The following FILIP1L variants were observed in gnomAD, a reference collection of about 807,000 sequenced individuals.
FILIP1L encodes the protein filamin A-interacting protein 1-like.
Under a neutral mutation model 96.6 loss-of-function variants are expected in FILIP1L, and 55 were observed. The observed-to-expected ratio is 0.57, with a 90% CI of 0.46 to 0.71. FILIP1L has a LOEUF of 0.71. FILIP1L is among the 30% of genes least tolerant of loss of function. The pLI, the probability that FILIP1L is intolerant of heterozygous loss-of-function variation, is 0.00. For synonymous variants in FILIP1L, 467 were observed against 473.9 expected (o/e 0.99, Z 0.19); for missense variants, 1,304 against 1,321.2 (o/e 0.99, Z 0.20).
intron 4 of FILIP1L, chr3:99,876,340 T>C (rs1705520324): frequency 4.6e-6 from 2 of 438,172 alleles, no homozygotes; most frequent in South Asian, 1.9e-4. Flanking sequence ...GTTCCGGCCG[T>C]GTGAACGGAC....
At chr3:100,008,878 T>C (rs1710064596) in intron 1 of FILIP1L, among the ~76,000 whole-genome samples, 1 of 152,184 alleles carries the variant, frequency 6.6e-6, no homozygotes, top group African/African-American at 2.4e-5. Context: ...TGGGCATGGG[T>C]GGGATTAATT....
intron 1 of FILIP1L, among the ~76,000 whole-genome samples, chr3:100,097,127 C>A (rs1333563113): frequency 1.3e-5 from 2 of 152,168 alleles, no homozygotes; most frequent in African/African-American, 4.8e-5. Flanking sequence ...CATAGGAGCA[C>A]AAACCCTATT....
chr3:99,991,652 T>C (rs1709513104), intron 1 of FILIP1L, among the ~76,000 whole-genome samples: 1 of 152,038 alleles, frequency 6.6e-6, no homozygotes, highest in East Asian at 1.9e-4. Context: ...CTACTCTGTA[T>C]GTCCATGTAT....
At chr3:99,996,345 G>C (rs1559718920) in intron 1 of FILIP1L, among the ~76,000 whole-genome samples, 1 of 152,100 alleles carries the variant, frequency 6.6e-6, no homozygotes, top group Non-Finnish European at 1.5e-5. Context: ...CCTCAGCCTG[G>C]ACCTTATTGT....
chr3:100,041,774 T>C (rs1009043230), intron 1 of FILIP1L, among the ~76,000 whole-genome samples: 7 of 152,192 alleles, frequency 4.6e-5, no homozygotes, highest in African/African-American at 1.4e-4. Context: ...CAGAGATCTT[T>C]TAAACAGTAA....
intron 1 of FILIP1L, among the ~76,000 whole-genome samples, chr3:99,975,528 G>A (rs1216778609): frequency 2.6e-5 from 4 of 151,774 alleles, no homozygotes; most frequent in South Asian, 4.1e-4. Flanking sequence ...GGAGGCAGAC[G>A]TTGCAGTGAG....
At chr3:100,097,574 C>CTA (rs1358000082) in intron 1 of FILIP1L, among the ~76,000 whole-genome samples, 10 of 152,084 alleles carry the variant, frequency 6.6e-5, no homozygotes, top group Admixed American at 4.6e-4. Flanking sequence ...GTATACAAGC[C>CTA]TATATATATA....
At chr3:99,838,302 G>T (rs1488303292) in intron 5 of FILIP1L, among the ~76,000 whole-genome samples, 1 of 152,120 alleles carries the variant, frequency 6.6e-6, no homozygotes, top group Non-Finnish European at 1.5e-5. Flanking sequence ...ATTATCTCTT[G>T]TCACCCTAAC....
chr3:99,989,441 T>G (rs1186152431), intron 1 of FILIP1L, among the ~76,000 whole-genome samples: 1 of 152,182 alleles, frequency 6.6e-6, no homozygotes, highest in Admixed American at 6.5e-5. Context: ...CCCCACATTT[T>G]CTGGAGACCC....
chr3:99,876,160 CG>C, intron 4 of FILIP1L: 1 of 985,678 alleles, frequency 1.0e-6, no homozygotes, highest in Non-Finnish European at 1.2e-6. Context: ...CTCCGAGAGT[CG>C]CCCGAACAAT....
intron 1 of FILIP1L, among the ~76,000 whole-genome samples, chr3:100,049,422 G>T (rs986638835): frequency 6.6e-6 from 1 of 152,114 alleles, no homozygotes; most frequent in African/African-American, 2.4e-5. Flanking sequence ...TTATAAGGGA[G>T]GTTAATATGG....
intron 1 of FILIP1L, among the ~76,000 whole-genome samples, chr3:99,994,191 G>T (rs936584073): frequency 1.3e-5 from 2 of 152,008 alleles, no homozygotes; most frequent in South Asian, 2.1e-4. Context: ...TTTCTTCCTG[G>T]CTCAGTCTCA....
chr3:100,080,468 C>A (rs1256197775), intron 1 of FILIP1L, among the ~76,000 whole-genome samples: 1 of 152,158 alleles, frequency 6.6e-6, no homozygotes, highest in Non-Finnish European at 1.5e-5. Context: ...TAGACAATTT[C>A]AATTTTATAG....
intron 1 of FILIP1L, among the ~76,000 whole-genome samples, chr3:100,013,967 G>A (rs906854885): frequency 1.3e-5 from 2 of 151,996 alleles, no homozygotes; most frequent in African/African-American, 4.8e-5. Flanking sequence ...GTTCCTCTGT[G>A]CCGCCCCCTT....
chr3:100,081,290 A>T (rs2065928191), intron 1 of FILIP1L, among the ~76,000 whole-genome samples: 1 of 152,210 alleles, frequency 6.6e-6, no homozygotes, highest in South Asian at 2.1e-4. Context: ...TGGAGAACAA[A>T]TCACCTTTCA....
intron 1 of FILIP1L, among the ~76,000 whole-genome samples, chr3:100,095,327 G>A (rs964640657): frequency 2.0e-5 from 3 of 151,952 alleles, no homozygotes; most frequent in Admixed American, 6.5e-5. Context: ...GGGATAAATC[G>A]ACGTGTTTGC....
At position 100,114,468 on chromosome 3, in the gene FILIP1L, G is replaced by A. The variant is rs1238710211; in HGVS notation, c.-426C>T. On this transcript the variant is annotated 5_prime_UTR_variant, in exon 1 of 6. Coordinates refer to ENST00000477258, the MANE Select transcript of FILIP1L (RefSeq NM_001387850.1). ...CATCTGCGCAGAGCAGACAAGTAGA[G>A]GCAGGCACAGGCTCCGTGAGCACGT... The A allele has an allele frequency of 6.5e-6, 1 of 154,452 alleles. No individual in the cohort carries two copies. Among genetic ancestry groups the A allele is most frequent in the Non-Finnish European group, 1.4e-5 (1 of 69,892 alleles). 9.6% of individuals were successfully genotyped at this position (154,452 alleles called of 1,614,324 possible).
At chr3:100,100,826 G>A (rs574513685) in intron 1 of FILIP1L, among the ~76,000 whole-genome samples, 3 of 152,304 alleles carry the variant, frequency 2.0e-5, no homozygotes, top group African/African-American at 7.2e-5. Context: ...TGTGGAGAAG[G>A]TGTCCTGGTG....
chr3:100,091,102 G>A (rs757593266), intron 1 of FILIP1L, among the ~76,000 whole-genome samples: 2 of 151,774 alleles, frequency 1.3e-5, no homozygotes, highest in African/African-American at 2.4e-5. Context: ...TGGCTAACAC[G>A]GTGAAACCCC....
Sources: allele counts gnomAD v4.1 joint callset (sites outside exome capture counted in the v4.1 genomes callset), GRCh38; gene constraint gnomAD v4.1.1; transcripts MANE v1.5; gene names NCBI Gene and HGNC (gene_info 2026-07-23, HGNC 2026-07-21).